Variants in TLK2 observed in about 807,000 individuals in gnomAD.
TLK2 encodes tousled like kinase 2.
A neutral mutation model predicts 117.3 loss-of-function variants in TLK2; 6 were observed. That is an observed-to-expected ratio of 0.05 (90% CI 0.03 to 0.10). The LOEUF is 0.10. Among genes scored for constraint, TLK2 ranks in the 10% least tolerant of loss-of-function variants. The pLI is 1.00. For synonymous variants in TLK2, 257 were observed against 316.7 expected (o/e 0.81, Z 2.00); for missense variants, 299 against 901.2 (o/e 0.33, Z 8.56).
At position 62,581,753 on chromosome 17, in the gene TLK2, G is replaced by A. The variant is rs7225335; in HGVS notation, c.1368+1561G>A. Among the ~76,000 whole-genome samples, 796 of 152,030 alleles carry A rather than the reference G, an allele frequency of 5.2e-3. 5 individuals are homozygous for A. Among genetic ancestry groups the A allele is most frequent in the African/African-American group, 0.018 (758 of 41,488 alleles). ...GCACCTGGCTTCTAGTATCTTATTT[G>A]TATTTTTTAATCTGTGTTTATAAGT... On this transcript the variant is annotated intron_variant, in intron 15 of 21. Transcript: ENST00000346027.
At chr17:62,555,644 A>G (rs1251408786) in intron 9 of TLK2, among the ~76,000 whole-genome samples, 5 of 151,272 alleles carry the variant, frequency 3.3e-5, no homozygotes, top group Non-Finnish European at 5.9e-5. Context: ...CACCACGCCC[A>G]GCTAATTTTT....
chr17:62,486,745 G>A (rs1287800150), intron 2 of TLK2, among the ~76,000 whole-genome samples: 1 of 152,172 alleles, frequency 6.6e-6, no homozygotes, highest in Non-Finnish European at 1.5e-5. Context: ...GCCAGGTACT[G>A]TTCCAACAGT....
At chr17:62,574,216 ATCT>A in intron 12 of TLK2, 1 of 1,391,976 alleles carries the variant, frequency 7.2e-7, no homozygotes, top group Non-Finnish European at 9.4e-7. Flanking sequence ...CTAGAAGTGC[ATCT>A]TCTTTCATTC....
At chr17:62,496,757 C>T (rs1490170787) in intron 2 of TLK2, among the ~76,000 whole-genome samples, 3 of 151,862 alleles carry the variant, frequency 2.0e-5, no homozygotes, top group Non-Finnish European at 4.4e-5. Flanking sequence ...AGATTGAGAC[C>T]ATCCTGGCTA....
intron 16 of TLK2, among the ~76,000 whole-genome samples, chr17:62,587,882 C>G (rs2146934927): frequency 6.6e-6 from 1 of 152,080 alleles, no homozygotes; most frequent in Middle Eastern, 3.4e-3. Flanking sequence ...CCTAAGAATG[C>G]CTAAGGGTGT....
chr17:62,563,118 TA>T (rs946913131), intron 10 of TLK2, among the ~76,000 whole-genome samples: 91 of 152,120 alleles, frequency 6.0e-4, no homozygotes, highest in Non-Finnish European at 3.8e-4. Context: ...TACTCAGTAA[TA>T]AAAAAAGAAT....
At chr17:62,519,007 C>G (rs1457537708) in intron 2 of TLK2, among the ~76,000 whole-genome samples, 2 of 152,174 alleles carry the variant, frequency 1.3e-5, no homozygotes, top group Non-Finnish European at 2.9e-5. Flanking sequence ...ACCTCAGCCT[C>G]CAAGTAGCTG....
intron 2 of TLK2, chr17:62,516,183 C>T (rs995263463): frequency 2.1e-5 from 12 of 578,690 alleles, no homozygotes; most frequent in Admixed American, 1.4e-4. Context: ...CCTCGGCCTC[C>T]CAAAGTGCTG....
intron 2 of TLK2, among the ~76,000 whole-genome samples, chr17:62,506,686 T>A (rs1200267397): frequency 6.6e-6 from 1 of 152,194 alleles, no homozygotes; most frequent in Non-Finnish European, 1.5e-5. Flanking sequence ...TTTCTTTGTT[T>A]TCTTTACTGT....
chr17:62,564,930 T>G, intron 10 of TLK2, 71 bp from the exon 11 acceptor site: 2 of 1,522,526 alleles, frequency 1.3e-6, no homozygotes, highest in Non-Finnish European at 1.8e-6. Flanking sequence ...GTTAAATGTT[T>G]TAGTTTCTAA....
chr17:62,481,936 C>A (rs1271300195), intron 2 of TLK2, among the ~76,000 whole-genome samples: 2 of 151,948 alleles, frequency 1.3e-5, no homozygotes, highest in African/African-American at 2.4e-5. Flanking sequence ...GATGTGTGAA[C>A]GTATGAGCTA....
chr17:62,551,786 G>A (rs1230383227), intron 7 of TLK2: 5 of 161,252 alleles, frequency 3.1e-5, no homozygotes, highest in South Asian at 1.7e-4. Flanking sequence ...AACCTAAACC[G>A]TATAAATTTA....
chr17:62,535,774 CA>C (rs370555348), intron 6 of TLK2, among the ~76,000 whole-genome samples: 11 of 129,390 alleles, frequency 8.5e-5, no homozygotes, highest in African/African-American at 1.2e-4. Flanking sequence ...AACTCCATCT[CA>C]AAAAAAAAAG....
chr17:62,478,149 G>C (rs1356387313), upstream of TLK2: 1 of 151,958 alleles, frequency 6.6e-6, no homozygotes, highest in East Asian at 1.9e-4. Context: ...GGCGGCTCCG[G>C]GGAGTGGCGG....
intron 2 of TLK2, among the ~76,000 whole-genome samples, chr17:62,505,389 A>G (rs2074586191): frequency 7.4e-6 from 1 of 134,858 alleles, no homozygotes; most frequent in Non-Finnish European, 1.5e-5. Flanking sequence ...GACTACAGTC[A>G]TGCACTACCA....
At chr17:62,559,968 A>T in intron 9 of TLK2, 48 bp from the exon 10 acceptor site, 1 of 1,382,762 alleles carries the variant, frequency 7.2e-7, no homozygotes, top group East Asian at 2.4e-5. Context: ...CTGCTTTTCC[A>T]TTAATCTTCT....
At chr17:62,585,943 G>T (rs1306105813) in intron 15 of TLK2, 192 bp from the exon 16 acceptor site, 2 of 471,930 alleles carry the variant, frequency 4.2e-6, no homozygotes, top group South Asian at 3.9e-5. Flanking sequence ...CTTGGTGCCA[G>T]TGTGTCTGGA....
At chr17:62,521,972 A>G (rs1300489146) in intron 3 of TLK2, among the ~76,000 whole-genome samples, 3 of 152,232 alleles carry the variant, frequency 2.0e-5, no homozygotes, top group Admixed American at 2.0e-4. Context: ...TTACAGATGA[A>G]TAAACTCAAG....
chr17:62,489,922 C>G (rs1353302374), intron 2 of TLK2, among the ~76,000 whole-genome samples: 1 of 152,164 alleles, frequency 6.6e-6, no homozygotes, highest in Non-Finnish European at 1.5e-5. Flanking sequence ...CCTCTGCCTT[C>G]AGGTTCAAGC....
Sources: gnomAD v4.1 joint callset for allele counts (sites outside exome capture counted in the v4.1 genomes callset) on GRCh38, gnomAD v4.1.1 for gene constraint, MANE v1.5 for transcripts, NCBI Gene and HGNC (gene_info 2026-07-23, HGNC 2026-07-21) for gene names.